The following KCNIP4 variants were observed in gnomAD, a reference collection of about 807,000 sequenced individuals.
KCNIP4 encodes the protein Kv channel-interacting protein 4.
Under a neutral mutation model 34.0 loss-of-function variants are expected in KCNIP4, and 12 were observed. The ratio of observed to expected loss-of-function variants is 0.35; its 90% CI spans 0.23 to 0.57. The LOEUF (loss-of-function observed/expected upper bound fraction) is 0.57. KCNIP4 is among the 20% of genes least tolerant of loss of function. The pLI is 0.83. For synonymous variants in KCNIP4, 124 were observed against 102.2 expected (o/e 1.21, Z -1.29); for missense variants, 238 against 311.7 (o/e 0.76, Z 1.78).
chr4:21,433,854 T>G (rs1040522853), intron 1 of KCNIP4, among the ~76,000 whole-genome samples: 16 of 152,234 alleles, frequency 1.1e-4, no homozygotes, highest in Non-Finnish European at 2.2e-4. Flanking sequence ...TCCATATAAA[T>G]AATTATCAAC....
intron 1 of KCNIP4, among the ~76,000 whole-genome samples, chr4:21,241,199 A>G (rs1039135492): frequency 5.3e-5 from 8 of 152,232 alleles, no homozygotes; most frequent in Admixed American, 3.9e-4. Context: ...TTCAAATTGT[A>G]TGTTTGTTCA....
At chr4:20,761,946 C>T (rs1754993485) in intron 3 of KCNIP4, among the ~76,000 whole-genome samples, 1 of 152,134 alleles carries the variant, frequency 6.6e-6, no homozygotes, top group South Asian at 2.1e-4. Context: ...CAGGAGTCTT[C>T]TAGGAACTGG....
At chr4:21,832,612 TA>T (rs1723061258) in intron 1 of KCNIP4, among the ~76,000 whole-genome samples, 2 of 140,518 alleles carry the variant, frequency 1.4e-5, no homozygotes, top group African/African-American at 5.3e-5. Context: ...ATCATACTTT[TA>T]AGTTTTAGGG....
chr4:21,918,040 T>G (rs1392716545), intron 1 of KCNIP4, among the ~76,000 whole-genome samples: 2 of 152,206 alleles, frequency 1.3e-5, no homozygotes, highest in Non-Finnish European at 2.9e-5. Context: ...GAGCTAGGAC[T>G]TTGACACCCC....
intron 1 of KCNIP4, among the ~76,000 whole-genome samples, chr4:21,297,878 A>T (rs75909456): frequency 0.031 from 4,792 of 152,158 alleles, 167 homozygotes; most frequent in South Asian, 0.13. Context: ...AGAGAAGTTC[A>T]TACTGTGTAT....
intron 1 of KCNIP4, among the ~76,000 whole-genome samples, chr4:20,988,677 A>C (rs1343028436): frequency 6.6e-6 from 1 of 152,356 alleles, no homozygotes; most frequent in Non-Finnish European, 1.5e-5. Flanking sequence ...TAGTTAAGTC[A>C]AATTTAAATG....
intron 1 of KCNIP4, among the ~76,000 whole-genome samples, chr4:21,452,247 T>C (rs2109746593): frequency 6.6e-6 from 1 of 152,270 alleles, no homozygotes; most frequent in South Asian, 2.1e-4. Flanking sequence ...TACACATCAC[T>C]TTCCGTAGAC....
chr4:21,528,776 AAAGGAAGAAAGGAAGAAAGGAAGAAAGG>A (rs1560490193), intron 1 of KCNIP4, among the ~76,000 whole-genome samples: 243 of 13,892 alleles, frequency 0.017, 47 homozygotes, highest in East Asian at 0.043. Flanking sequence ...AGAAAGAAAG[AAAGGAAGAAAGGAAGAAAGGAAGAAAGG>A]AAGGAAGGAA....
chr4:20,967,755 C>A (rs988931846), intron 1 of KCNIP4, among the ~76,000 whole-genome samples: 35 of 152,222 alleles, frequency 2.3e-4, no homozygotes, highest in Non-Finnish European at 4.1e-4. Flanking sequence ...GGATCCCTTC[C>A]TTACACCTTA....
chr4:21,707,932 T>TACACACAC lies in KCNIP4; in HGVS notation c.61+240631_61+240638dup, dbSNP rs3050896. ...CTGACATTATCCTGAAACACACACA[T>TACACACAC]ACACACACACACACACACACACACA... On this transcript the variant is annotated intron_variant, in intron 1 of 8. Transcript: ENST00000382152. Among the ~76,000 whole-genome samples, 190 of 146,936 alleles carry TACACACAC rather than the reference T, an allele frequency of 1.3e-3. 1 individual carries two copies. Among genetic ancestry groups the TACACACAC allele is most frequent in the South Asian group, 8.6e-3 (39 of 4,532 alleles).
At chr4:21,932,758 C>T (rs990311778) in intron 1 of KCNIP4, among the ~76,000 whole-genome samples, 1 of 151,810 alleles carries the variant, frequency 6.6e-6, no homozygotes, top group African/African-American at 2.4e-5. Context: ...GTGTGTACAC[C>T]TGGAATCAGC....
In KCNIP4 at chr4:21,521,261, A is replaced by G. The variant is rs1735500506; in HGVS notation, c.61+427310T>C. Among the ~76,000 whole-genome samples, 3 of 152,314 alleles carry G rather than the reference A, an allele frequency of 2.0e-5. No individual in the cohort carries two copies. In the South Asian group the frequency reaches 6.2e-4, roughly 32 times the overall value. On this transcript the variant is annotated intron_variant, in intron 1 of 8. Transcript: ENST00000382152. ...TAAGAACTGTTCCATGTAATTTAAT[A>G]TAAACTCTCATTTTATTGTGTATAC...
At chr4:21,459,959 C>A (rs1355648587) in intron 1 of KCNIP4, among the ~76,000 whole-genome samples, 1 of 151,846 alleles carries the variant, frequency 6.6e-6, no homozygotes, top group Non-Finnish European at 1.5e-5. Flanking sequence ...GTAATCTCCT[C>A]TCTACACAAG....
intron 1 of KCNIP4, among the ~76,000 whole-genome samples, chr4:21,343,871 T>C (rs988418494): frequency 2.0e-5 from 3 of 152,126 alleles, no homozygotes; most frequent in Admixed American, 6.6e-5. Flanking sequence ...TGTTCTCCTG[T>C]TTTTATTAAT....
chr4:21,061,910 G>A (rs1401577390), intron 1 of KCNIP4, among the ~76,000 whole-genome samples: 1 of 152,084 alleles, frequency 6.6e-6, no homozygotes, highest in African/African-American at 2.4e-5. Context: ...CATACAGAGG[G>A]ACAACCATGT....
At chr4:21,253,799 A>C (rs1033758074) in intron 1 of KCNIP4, among the ~76,000 whole-genome samples, 1 of 152,228 alleles carries the variant, frequency 6.6e-6, no homozygotes, top group African/African-American at 2.4e-5. Flanking sequence ...AAGTAGTGGA[A>C]ACAGCCAAAT....
At chr4:21,580,376 G>A (rs570893423) in intron 1 of KCNIP4, among the ~76,000 whole-genome samples, 2 of 152,052 alleles carry the variant, frequency 1.3e-5, no homozygotes, top group Non-Finnish European at 2.9e-5. Flanking sequence ...TTTAGCTCTG[G>A]ATATGTCTTG....
intron 1 of KCNIP4, among the ~76,000 whole-genome samples, chr4:21,080,665 C>T (rs929448366): frequency 1.2e-4 from 18 of 151,816 alleles, no homozygotes; most frequent in Non-Finnish European, 2.2e-4. Context: ...ATTGAATCCT[C>T]TCTCCTAAGA....
chr4:21,597,987 G>A (rs1742789948), intron 1 of KCNIP4, among the ~76,000 whole-genome samples: 1 of 152,118 alleles, frequency 6.6e-6, no homozygotes, highest in African/African-American at 2.4e-5. Flanking sequence ...AAATAATTAT[G>A]AACTGTTGAT....
Sources: gnomAD v4.1 joint callset for allele counts (sites outside exome capture counted in the v4.1 genomes callset) on GRCh38, gnomAD v4.1.1 for gene constraint, MANE v1.5 for transcripts, NCBI Gene and HGNC (gene_info 2026-07-23, HGNC 2026-07-21) for gene names.